The following DPP6 variants were observed in gnomAD, a reference collection of about 807,000 sequenced individuals.
The protein encoded by DPP6 is A-type potassium channel modulatory protein DPP6.
A neutral mutation model predicts 122.6 loss-of-function variants in DPP6; 69 were observed. That is an observed-to-expected ratio of 0.56 (90% CI 0.46 to 0.69). The LOEUF (loss-of-function observed/expected upper bound fraction) is 0.69. DPP6 is among the 30% of genes least tolerant of loss of function. The pLI, the probability that DPP6 is intolerant of heterozygous loss-of-function variation, is 0.00. For synonymous variants in DPP6, 418 were observed against 433.1 expected, an observed-to-expected ratio of 0.97 and a Z score of 0.43; for missense variants, 928 against 1,116.9, an observed-to-expected ratio of 0.83 and a Z score of 2.41.
chr7:154,353,267 C>T (rs983835591), intron 1 of DPP6, among the ~76,000 whole-genome samples: 4 of 152,190 alleles, frequency 2.6e-5, no homozygotes, highest in South Asian at 2.1e-4. Context: ...TCTCTTCCTC[C>T]GTGAACGGCA....
At chr7:153,996,008 G>C (rs1404641250) in intron 1 of DPP6, among the ~76,000 whole-genome samples, 1 of 152,192 alleles carries the variant, frequency 6.6e-6, no homozygotes, top group Non-Finnish European at 1.5e-5. Flanking sequence ...GCAGGGGCTA[G>C]GATTGTGTCA....
chr7:153,949,732 CTG>C (rs1470414925), intron 1 of DPP6, among the ~76,000 whole-genome samples: 1 of 152,212 alleles, frequency 6.6e-6, no homozygotes, highest in African/African-American at 2.4e-5. Context: ...ACCGAGTTTA[CTG>C]TGTGTAACTG....
intron 1 of DPP6, among the ~76,000 whole-genome samples, chr7:154,164,852 C>T (rs2150715305): frequency 6.6e-6 from 1 of 152,300 alleles, no homozygotes. Context: ...CACTGTTCAT[C>T]CATCCATCAG....
chr7:153,921,518 A>G (rs1387759740), intron 1 of DPP6, among the ~76,000 whole-genome samples: 1 of 152,248 alleles, frequency 6.6e-6, no homozygotes, highest in Non-Finnish European at 1.5e-5. Context: ...AGAGAAATCA[A>G]TCAAGGCCAA....
In DPP6 at chr7:154,130,444, A is replaced by G. The variant is rs1256908518; in HGVS notation, c.243+77381A>G. ...TCACACTATCTACCCTGATTTCATA[A>G]GGTAATGCTATGTGAGAATGCTCTC... is the stretch of plus-strand genomic sequence containing the variant. On this transcript the variant is annotated intron_variant, in intron 1 of 25. Transcript: ENST00000377770. Among the ~76,000 whole-genome samples the G allele has an allele frequency of 5.3e-5, 8 of 152,180 alleles. No individual in the cohort carries two copies. The South Asian group carries it at 1.7e-3, about 32-fold the overall frequency.
intron 6 of DPP6, among the ~76,000 whole-genome samples, chr7:154,659,040 A>G (rs1291911871): frequency 2.0e-5 from 3 of 152,212 alleles, no homozygotes; most frequent in African/African-American, 7.2e-5. Context: ...CCAAAAGGGA[A>G]TTCCCACAGT....
intron 1 of DPP6, among the ~76,000 whole-genome samples, chr7:154,292,319 T>A (rs987916437): frequency 6.6e-6 from 1 of 152,226 alleles, no homozygotes; most frequent in Non-Finnish European, 1.5e-5. Context: ...CAGGGTGGGC[T>A]TTGAGAACTC....
intron 9 of DPP6, among the ~76,000 whole-genome samples, chr7:154,772,167 T>C (rs1796284702): frequency 6.6e-6 from 1 of 152,228 alleles, no homozygotes; most frequent in African/African-American, 2.4e-5. Flanking sequence ...ACATTCTGGC[T>C]GACAGAATTC....
intron 8 of DPP6, among the ~76,000 whole-genome samples, chr7:154,765,864 C>A (rs1213616833): frequency 2.6e-5 from 4 of 152,162 alleles, no homozygotes; most frequent in African/African-American, 9.7e-5. Flanking sequence ...CAATTAATTT[C>A]GTTGATGAAA....
At chr7:154,237,969 A>C (rs573363540) in intron 1 of DPP6, among the ~76,000 whole-genome samples, 148 of 152,350 alleles carry the variant, frequency 9.7e-4, no homozygotes, top group African/African-American at 3.4e-3. Context: ...ACCCTCTGCC[A>C]GCTCGTGTCT....
chr7:154,209,109 A>T (rs1423065453), intron 1 of DPP6, among the ~76,000 whole-genome samples: 2 of 152,184 alleles, frequency 1.3e-5, no homozygotes, highest in South Asian at 4.1e-4. Context: ...GAGGATCTGG[A>T]TGGAGAGTTC....
chr7:153,938,295 C>A (rs9691968), intron 1 of DPP6, among the ~76,000 whole-genome samples: 34,947 of 152,152 alleles, frequency 0.23, 4,030 homozygotes, highest in East Asian at 0.27. Context: ...TTGGGGACTT[C>A]CCATTTTAGA....
At chr7:153,895,653 T>C (rs1195406739) in intron 1 of DPP6, among the ~76,000 whole-genome samples, 2 of 152,000 alleles carry the variant, frequency 1.3e-5, no homozygotes, top group Non-Finnish European at 2.9e-5. Context: ...AGAGCATTCA[T>C]GCACCAGCCT....
intron 5 of DPP6, among the ~76,000 whole-genome samples, chr7:154,582,558 T>A (rs1832144846): frequency 6.6e-6 from 1 of 152,208 alleles, no homozygotes. Context: ...TCCTGTTTCC[T>A]AAGCTTCTCA....
At chr7:154,654,432 T>TCC (rs1429683771) in intron 6 of DPP6, among the ~76,000 whole-genome samples, 2 of 146,516 alleles carry the variant, frequency 1.4e-5, no homozygotes. Context: ...TTTCTTTCTT[T>TCC]TTTTGATACA....
At chr7:153,903,819 T>C (rs1799737636) in intron 1 of DPP6, among the ~76,000 whole-genome samples, 1 of 152,206 alleles carries the variant, frequency 6.6e-6, no homozygotes, top group African/African-American at 2.4e-5. Flanking sequence ...GTTGTGTTGC[T>C]ATTGTTTTCA....
chr7:154,017,934 G>A (rs180932973), intron 1 of DPP6, among the ~76,000 whole-genome samples: 2 of 152,188 alleles, frequency 1.3e-5, no homozygotes, highest in East Asian at 3.9e-4. Context: ...TCACATAAAT[G>A]TTATGTTTAT....
intron 1 of DPP6, among the ~76,000 whole-genome samples, chr7:153,930,074 A>G (rs1168432530): frequency 6.6e-6 from 1 of 152,142 alleles, no homozygotes; most frequent in Non-Finnish European, 1.5e-5. Context: ...CTAGCTTTGG[A>G]TAATTATTAG....
chr7:153,992,741 G>A (rs2533598), intron 1 of DPP6, among the ~76,000 whole-genome samples: 15 of 151,836 alleles, frequency 9.9e-5, no homozygotes, highest in Non-Finnish European at 1.8e-4. Flanking sequence ...TCTCCTACAT[G>A]CAATTGACAC....
Sources: allele counts gnomAD v4.1 joint callset (sites outside exome capture counted in the v4.1 genomes callset), GRCh38; gene constraint gnomAD v4.1.1; transcripts MANE v1.5; gene names NCBI Gene and HGNC (gene_info 2026-07-23, HGNC 2026-07-21).